EIF4A3: variants seen among roughly 807,000 people sequenced by gnomAD.
EIF4A3 encodes eukaryotic initiation factor 4A-III.
In EIF4A3, 1 loss-of-function variant was observed where a neutral mutation model predicts 55.6. The ratio of observed to expected loss-of-function variants is 0.02; its 90% CI spans 0.01 to 0.09. The LOEUF is 0.09. EIF4A3 is among the 10% of genes least tolerant of loss of function. The pLI is 1.00. For missense variants in EIF4A3, 221 were observed against 540.7 expected, an observed-to-expected ratio of 0.41 and a Z score of 5.86; for synonymous variants, 194 against 196.3, an observed-to-expected ratio of 0.99 and a Z score of 0.10.
intron 7 of EIF4A3, 172 bp from the exon 8 acceptor site, chr17:80,138,452 G>A: frequency 1.5e-6 from 1 of 654,858 alleles, no homozygotes; most frequent in Admixed American, 2.8e-5. Context: ...CCGTCACACA[G>A]GCCTCCATTC....
intron 4 of EIF4A3, 149 bp downstream of exon 4, chr17:80,141,170 T>C: frequency 1.3e-6 from 1 of 752,662 alleles, no homozygotes; most frequent in Non-Finnish European, 2.1e-6. Flanking sequence ...CAGCAATTTA[T>C]ATAATGATTA....
At chr17:80,136,526 T>C (rs906578911) in intron 9 of EIF4A3, 191 bp from the exon 10 acceptor site, 3 of 577,314 alleles carry the variant, frequency 5.2e-6, no homozygotes, top group Admixed American at 3.3e-5. Context: ...AGAGGGGCTG[T>C]TGGTGGATTT....
At chr17:80,144,432 G>A (rs931657088) in intron 1 of EIF4A3, among the ~76,000 whole-genome samples, 188 bp from the exon 2 acceptor site, 3 of 151,298 alleles carry the variant, frequency 2.0e-5, no homozygotes, top group African/African-American at 7.3e-5. Flanking sequence ...CTACACTAAC[G>A]TGGGATATTA....
intron 1 of EIF4A3, 51 bp downstream of exon 1, chr17:80,146,742 G>A (rs970930506): frequency 1.3e-4 from 199 of 1,571,780 alleles, no homozygotes; most frequent in Non-Finnish European, 1.5e-4. Context: ...TCAGCCCCCG[G>A]CTCGCCCCCG....
intron 8 of EIF4A3, 105 bp from the exon 9 acceptor site, chr17:80,137,606 A>G (rs1567848531): frequency 2.4e-6 from 2 of 845,898 alleles, no homozygotes; most frequent in Non-Finnish European, 3.7e-6. Context: ...CAATATTCGT[A>G]AGGTAACTGC....
chr17:80,138,786 C>T (rs183538878), intron 7 of EIF4A3: 47 of 506,902 alleles, frequency 9.3e-5, no homozygotes, highest in South Asian at 2.2e-4. Context: ...GGTAGAGATA[C>T]GGTCTCTATA....
rs146210677 is a variant in EIF4A3 at position 80,139,140 on chromosome 17, A to G, written c.609T>C (p.Asp203=). 3.3e-5 allele frequency: 53 copies of G among 1,613,934 alleles called. No homozygotes were observed. The highest frequency in any genetic ancestry group is 3.9e-5 in the Non-Finnish European group (46 of 1,179,996). Reference sequence around the variant, plus strand: ...TGGCTGGAGGCAGGTACCTGTATACATCGTAAATCTGCTCTTTGAAACCTG... The same window carrying G: ...TGGCTGGAGGCAGGTACCTGTATACGTCGTAAATCTGCTCTTTGAAACCTG... ...LNKGFKEQIY[D]VYRYLPPATQ... is the part of the protein sequence containing the mutation. The change falls in exon 7 of 12, where the codon GAT becomes GAC. Residue 203 remains aspartate (D), a synonymous_variant. Transcript: ENST00000649764.
chr17:80,135,715 G>A (rs1222019584), intron 11 of EIF4A3: 1 of 612,324 alleles, frequency 1.6e-6, no homozygotes, highest in East Asian at 2.8e-5. Context: ...GGCCAACATG[G>A]TGAAACCCCG....
In EIF4A3 at chr17:80,139,374, G is replaced by C. The variant is rs1178167054; in HGVS notation, c.587-212C>G. 3 of 684,952 alleles carry C rather than the reference G, an allele frequency of 4.4e-6. No homozygotes were observed. The African/African-American group carries it at 5.4e-5, about 12-fold the overall frequency. 42.4% of individuals were successfully genotyped at this position (684,952 alleles called of 1,614,324 possible). ...GAGTGTTATCTGGTTGAGGGAATCT[G>C]GTTTCCCTTTGGTGCTTCTTCAATC... On this transcript the variant is annotated intron_variant, in intron 6 of 11. Coordinates refer to ENST00000649764, the MANE Select transcript of EIF4A3 (RefSeq NM_014740.4).
chr17:80,139,658 T>C lies in EIF4A3; in HGVS notation c.586+12A>G. 1 of 1,609,024 alleles carries C rather than the reference T, an allele frequency of 6.2e-7. No homozygotes were observed. Among genetic ancestry groups the C allele is most frequent in the Non-Finnish European group, 8.5e-7 (1 of 1,177,140 alleles). Reference sequence around the variant, plus strand: ...TATGTCAGTAGAAGAGTAATTCTTTTGTTGCTCATACCTTTATTCAACATT... The same window carrying C: ...TATGTCAGTAGAAGAGTAATTCTTTCGTTGCTCATACCTTTATTCAACATT... On this transcript the variant is annotated intron_variant, in intron 6 of 11. Coordinates refer to ENST00000649764, the MANE Select transcript of EIF4A3 (RefSeq NM_014740.4).
At chr17:80,146,742 GCTCGCCCCCGA>G (rs753809134) in intron 1 of EIF4A3, 40 bp downstream of exon 1, 85 of 1,571,784 alleles carry the variant, frequency 5.4e-5, no homozygotes, top group Non-Finnish European at 5.8e-5. Flanking sequence ...TCAGCCCCCG[GCTCGCCCCCGA>G]CTCGCCCCCG....
intron 9 of EIF4A3, 97 bp downstream of exon 9, chr17:80,137,289 C>G: frequency 9.4e-7 from 1 of 1,067,436 alleles, no homozygotes; most frequent in Non-Finnish European, 1.3e-6. Flanking sequence ...CTTGGCATCC[C>G]CCCGGGTGTG....
intron 7 of EIF4A3, 108 bp from the exon 8 acceptor site, chr17:80,138,388 A>G (rs898507178): frequency 1.4e-5 from 20 of 1,417,256 alleles, no homozygotes; most frequent in Admixed American, 1.8e-5. Flanking sequence ...TCACACCGTG[A>G]TATCTGGTGC....
intron 11 of EIF4A3, 110 bp from the exon 12 acceptor site, chr17:80,135,616 C>A (rs1275740458): frequency 9.0e-6 from 9 of 998,954 alleles, no homozygotes; most frequent in Non-Finnish European, 1.4e-5. Flanking sequence ...AAAAAACAGG[C>A]CAGACATAGT....
rs12601426 is a variant in EIF4A3, at chr17:80,143,824, A to C, written c.242+348T>G. Among the ~76,000 whole-genome samples, 76 of 152,114 alleles carry C rather than the reference A, an allele frequency of 5.0e-4. No individual in the cohort carries two copies. The East Asian group carries it at 5.2e-3, about 10-fold the overall frequency. Reference sequence around the variant, plus strand: ...TGAAACCCCCGTCTCTACTAAAAATATGAAAATTAGTCGGGCATGGTGGTG... The same window carrying C: ...TGAAACCCCCGTCTCTACTAAAAATCTGAAAATTAGTCGGGCATGGTGGTG... On this transcript the variant is annotated intron_variant, in intron 2 of 11. Coordinates refer to ENST00000649764, the MANE Select transcript of EIF4A3 (RefSeq NM_014740.4).
In EIF4A3 at chr17:80,146,982, G is replaced by A. The variant is rs1488125480; in HGVS notation, c.-21C>T. The A allele has an allele frequency of 4.4e-6, 7 of 1,576,804 alleles. No individual in the cohort carries two copies. ...GCCATGATTCAGAGTCCGCGGAAGA[G>A]CACAGCGCGCGCCGCTGCCGACCTC... is the stretch of plus-strand genomic sequence containing the variant. On this transcript the variant is annotated 5_prime_UTR_variant, in exon 1 of 12. Coordinates refer to ENST00000649764, the MANE Select transcript of EIF4A3 (RefSeq NM_014740.4).
rs1462909867 is a variant in EIF4A3 at position 80,135,396 on chromosome 17, T to C, written c.*94A>G. The C allele has an allele frequency of 2.1e-6, 3 of 1,449,098 alleles. No individual in the cohort carries two copies. The highest frequency in any genetic ancestry group is 1.4e-5 in the South Asian group (1 of 72,634). The allele number at this position is 1,449,098 out of a possible 1,614,324, so 89.8% of individuals were successfully genotyped here. A position where few individuals can be genotyped will look rare whatever the true frequency, so the allele number is the denominator to read the frequency against. On this transcript the variant is annotated 3_prime_UTR_variant, in exon 12 of 12. Transcript: ENST00000649764. Reference sequence around the variant, plus strand: ...AGGCCATTTATGAGAAGAAAGTCCATATAAACCCCATTAAGTAGAATCTGG... The same window carrying C: ...AGGCCATTTATGAGAAGAAAGTCCACATAAACCCCATTAAGTAGAATCTGG...
chr17:80,144,100 C>A, intron 2 of EIF4A3, 72 bp downstream of exon 2: 3 of 1,413,322 alleles, frequency 2.1e-6, no homozygotes, highest in Admixed American at 3.4e-5. Flanking sequence ...AAACAGTCAT[C>A]CCAGAGCATC....
chr17:80,141,475 C>G (rs2039618519), intron 3 of EIF4A3, 94 bp from the exon 4 acceptor site: 3 of 1,250,420 alleles, frequency 2.4e-6, no homozygotes, highest in Admixed American at 3.9e-5. Flanking sequence ...GAAATACTAT[C>G]TCATATTAAT....
Sources: gnomAD v4.1 joint callset for allele counts (sites outside exome capture counted in the v4.1 genomes callset) on GRCh38, gnomAD v4.1.1 for gene constraint, MANE v1.5 for transcripts, NCBI Gene and HGNC (gene_info 2026-07-23, HGNC 2026-07-21) for gene names.